Variants in SF3B3 observed in about 807,000 individuals in gnomAD.
The protein encoded by SF3B3 is SAP 130.
In SF3B3, 33 loss-of-function variants were observed where a neutral mutation model predicts 139.2. The ratio of observed to expected loss-of-function variants is 0.24; its 90% CI spans 0.18 to 0.32. The LOEUF is 0.32. Ranked by LOEUF, SF3B3 falls within the 10% of genes least tolerant of loss-of-function variation. The probability of loss-of-function intolerance (pLI) is 1.00; values close to 1 mark genes in which losing one functional copy is unlikely to be tolerated. For synonymous variants in SF3B3, 596 were observed against 563.6 expected, an observed-to-expected ratio of 1.06 and a Z score of -0.81; for missense variants, 818 against 1,509.4, an observed-to-expected ratio of 0.54 and a Z score of 7.59.
chr16:70,533,966 T>C (rs2050144571), intron 5 of SF3B3, among the ~76,000 whole-genome samples: 1 of 152,224 alleles, frequency 6.6e-6, no homozygotes, highest in African/African-American at 2.4e-5. Flanking sequence ...ATCTTGGGAC[T>C]TCAGTGGTGA....
intron 8 of SF3B3, among the ~76,000 whole-genome samples, chr16:70,541,015 C>A (rs1246212437): frequency 6.6e-6 from 1 of 152,134 alleles, no homozygotes; most frequent in Non-Finnish European, 1.5e-5. Flanking sequence ...TTTTGAGAAA[C>A]CACCAAACTT....
At position 70,548,372 on chromosome 16, in the gene SF3B3, G is replaced by A. The variant is rs2050288947; in HGVS notation, c.1332G>A (p.Val444=). The change falls in exon 11 of 26, where the codon GTG becomes GTA. Residue 444 remains valine (V), a splice_region_variant and synonymous_variant. Coordinates refer to ENST00000302516, the MANE Select transcript of SF3B3 (RefSeq NM_012426.5). ...SLRVLRHGLE[V]SEMAVSELPG... is the part of the protein sequence containing the mutation. ...TGGCTTCCCTCTTCTCCTGTCAGGTGTCAGAAATGGCTGTTTCTGAGCTAC... is the reference window on the plus strand; with the variant it reads ...TGGCTTCCCTCTTCTCCTGTCAGGTATCAGAAATGGCTGTTTCTGAGCTAC... 1.2e-6 allele frequency: 2 copies of A among 1,613,826 alleles called. No homozygotes were observed. The highest frequency in any genetic ancestry group is 1.3e-5 in the African/African-American group (1 of 75,012).
At position 70,571,911 on chromosome 16, in the gene SF3B3, C is replaced by T; in HGVS notation, c.*98C>T. ...CTTCTGCCATGTGGCAGGAGGGTGA[C>T]TGGATAATTAAGACTGCATTATGAA... On this transcript the variant is annotated 3_prime_UTR_variant, in exon 26 of 26. Transcript: ENST00000302516. The T allele has an allele frequency of 1.4e-6, 2 of 1,406,948 alleles. No individual in the cohort carries two copies. Among genetic ancestry groups the T allele is most frequent in the Non-Finnish European group, 1.9e-6 (2 of 1,026,878 alleles). 87.2% of individuals were successfully genotyped at this position (1,406,948 alleles called of 1,614,324 possible).
In SF3B3 at chr16:70,571,736, G is replaced by A. The variant is rs562802555; in HGVS notation, c.3577G>A (p.Val1193Ile). ...NSMEPNKQKN[V>I]SEELDRTPPE... Reference sequence around the variant, plus strand: ...CATGGAACCCAACAAACAAAAGAACGTCTCTGAAGAACTGGACCGAACCCC... The same window carrying A: ...CATGGAACCCAACAAACAAAAGAACATCTCTGAAGAACTGGACCGAACCCC... The change falls in exon 26 of 26, where the codon GTC (valine) becomes ATC (isoleucine). Residue 1193 changes from valine to isoleucine, a missense_variant. This residue lies in a region of SF3B3 where 28 missense variants were observed against 59.1 expected (regional missense o/e 0.47). Transcript: ENST00000302516. 3 of 1,614,046 alleles carry A rather than the reference G, an allele frequency of 1.9e-6. No individual in the cohort carries two copies. The South Asian group carries it at 3.3e-5, about 18-fold the overall frequency.
At chr16:70,551,995 G>A (rs182247887) in intron 11 of SF3B3, among the ~76,000 whole-genome samples, 12 of 152,184 alleles carry the variant, frequency 7.9e-5, no homozygotes, top group Non-Finnish European at 1.3e-4. Context: ...TTGAGATGTC[G>A]TTGGCTCTCC....
At chr16:70,541,015 C>G (rs1246212437) in intron 8 of SF3B3, among the ~76,000 whole-genome samples, 1 of 152,134 alleles carries the variant, frequency 6.6e-6, no homozygotes, top group Non-Finnish European at 1.5e-5. Flanking sequence ...TTTTGAGAAA[C>G]CACCAAACTT....
intron 21 of SF3B3, among the ~76,000 whole-genome samples, chr16:70,568,026 T>G (rs2050493639): frequency 6.6e-6 from 1 of 152,208 alleles, no homozygotes; most frequent in Non-Finnish European, 1.5e-5. Context: ...ATCTCATTTC[T>G]TGACTTACCA....
intron 16 of SF3B3, 143 bp downstream of exon 16, chr16:70,560,734 TC>T: frequency 2.2e-6 from 2 of 900,816 alleles, no homozygotes; most frequent in Non-Finnish European, 3.3e-6. Flanking sequence ...TCCTGAGTTT[TC>T]CTAACCTAGA....
chr16:70,524,025 C>T (rs1011123903), intron 1 of SF3B3, 97 bp downstream of exon 1: 1 of 406,732 alleles, frequency 2.5e-6, no homozygotes, highest in African/African-American at 2.1e-5. Flanking sequence ...CACGGGCAGT[C>T]TAGGCCCGAG....
intron 1 of SF3B3, among the ~76,000 whole-genome samples, chr16:70,524,225 C>G (rs770082297): frequency 2.0e-5 from 3 of 152,180 alleles, no homozygotes; most frequent in Non-Finnish European, 4.4e-5. Flanking sequence ...GCATGGATGT[C>G]TCCCTCTGGG....
chr16:70,568,297 T>A lies in SF3B3; in HGVS notation c.2967T>A (p.Tyr989Ter). ...RKCENKHIAN[Y>*]ISGIQTIGHR... Reference sequence around the variant, plus strand: ...GTTTTTCCCAGCATATTGCCAATTATATCTCTGGGATCCAGACTATCGGAC... The same window carrying A: ...GTTTTTCCCAGCATATTGCCAATTAAATCTCTGGGATCCAGACTATCGGAC... Residue 989 changes from tyrosine (Y) to a stop codon, truncating the protein, a stop_gained, in exon 22 of 26, where the codon TAT (tyrosine) becomes TAA (stop). Transcript: ENST00000302516. LOFTEE classifies it high-confidence loss of function. The A allele has an allele frequency of 6.2e-7, 1 of 1,611,580 alleles. No homozygotes were observed. Among genetic ancestry groups the A allele is most frequent in the Non-Finnish European group, 8.5e-7 (1 of 1,177,714 alleles).
rs760612973 is a variant in SF3B3 at position 70,557,036 on chromosome 16, G to T, written c.2010+7G>T. 4 of 1,600,138 alleles carry T rather than the reference G, an allele frequency of 2.5e-6. No individual in the cohort carries two copies. Among genetic ancestry groups the T allele is most frequent in the Non-Finnish European group, 3.4e-6 (4 of 1,174,694 alleles). Reference sequence around the variant, plus strand: ...CCTGAATATTGGGCTACAGGTAAGAGATCCAGAGGCCCACATTGTGGACAT... The same window carrying T: ...CCTGAATATTGGGCTACAGGTAAGATATCCAGAGGCCCACATTGTGGACAT... On this transcript the variant is annotated splice_region_variant and intron_variant, in intron 15 of 25. Transcript: ENST00000302516.
At position 70,548,372 on chromosome 16, in the gene SF3B3, G is replaced by C; in HGVS notation, c.1332G>C (p.Val444=). 6.2e-7 allele frequency: 1 copy of C among 1,613,826 alleles called. No homozygotes were observed. The highest frequency in any genetic ancestry group is 8.5e-7 in the Non-Finnish European group (1 of 1,179,772). Residue 444 remains valine (V), a splice_region_variant and synonymous_variant, in exon 11 of 26, where the codon GTG becomes GTC. Coordinates refer to ENST00000302516, the MANE Select transcript of SF3B3 (RefSeq NM_012426.5). ...TGGCTTCCCTCTTCTCCTGTCAGGT[G>C]TCAGAAATGGCTGTTTCTGAGCTAC... ...SLRVLRHGLE[V]SEMAVSELPG...
At chr16:70,539,548 C>CAAA (rs139174233) in intron 8 of SF3B3, among the ~76,000 whole-genome samples, 3 of 149,878 alleles carry the variant, frequency 2.0e-5, no homozygotes, top group South Asian at 2.1e-4. Context: ...AACTCTCTCT[C>CAAA]AAAAAAAAAA....
chr16:70,555,483 A>C (rs2050371488), intron 13 of SF3B3, among the ~76,000 whole-genome samples: 2 of 150,826 alleles, frequency 1.3e-5, no homozygotes, highest in African/African-American at 4.9e-5. Flanking sequence ...GTCTCAAAAA[A>C]AAAAAAAAAA....
Position 70,567,212 on chromosome 16 carries a change from A to G in SF3B3, c.2827-199A>G, listed in dbSNP as rs904734453. On this transcript the variant is annotated intron_variant, in intron 20 of 25. Coordinates refer to ENST00000302516, the MANE Select transcript of SF3B3 (RefSeq NM_012426.5). Reference sequence around the variant, plus strand: ...CTGGTACCAGAACTTCTTGTCAGTTACAGCATTGATCCCTCTACTGAGTGA... The same window carrying G: ...CTGGTACCAGAACTTCTTGTCAGTTGCAGCATTGATCCCTCTACTGAGTGA... Among the ~76,000 whole-genome samples, 12 of 152,344 alleles carry G rather than the reference A, an allele frequency of 7.9e-5. 1 individual carries two copies. The highest frequency in any genetic ancestry group is 1.9e-4 in the East Asian group (1 of 5,184).
At chr16:70,532,321 C>G (rs541545599) in intron 4 of SF3B3, among the ~76,000 whole-genome samples, 158 bp from the exon 5 acceptor site, 1 of 127,774 alleles carries the variant, frequency 7.8e-6, no homozygotes, top group South Asian at 2.5e-4. Context: ...CCTCTGTGCA[C>G]TGCAGCCTGG....
intron 11 of SF3B3, among the ~76,000 whole-genome samples, chr16:70,553,275 G>T (rs2050345519): frequency 6.6e-6 from 1 of 152,014 alleles, no homozygotes; most frequent in Non-Finnish European, 1.5e-5. Context: ...TGATTCTGCA[G>T]AACTGATCTA....
intron 11 of SF3B3, among the ~76,000 whole-genome samples, chr16:70,552,353 T>G (rs2151787614): frequency 6.6e-6 from 1 of 152,364 alleles, no homozygotes; most frequent in East Asian, 1.9e-4. Context: ...CTGTTATTTT[T>G]ACACAACAAA....
Sources: allele counts gnomAD v4.1 joint callset (sites outside exome capture counted in the v4.1 genomes callset), GRCh38; gene constraint gnomAD v4.1.1; regional missense constraint gnomAD v4.1.1; transcripts MANE v1.5; gene names NCBI Gene and HGNC (gene_info 2026-07-23, HGNC 2026-07-21).